The following GLCCI1 variants were observed in gnomAD, a reference collection of about 807,000 sequenced individuals.
GLCCI1 encodes the protein glucocorticoid induced 1.
A neutral mutation model predicts 52.2 loss-of-function variants in GLCCI1; 24 were observed. The ratio of observed to expected loss-of-function variants is 0.46; its 90% CI spans 0.33 to 0.65. The LOEUF is 0.65. GLCCI1 is among the 30% of genes least tolerant of loss of function. The pLI, the probability that GLCCI1 is intolerant of heterozygous loss-of-function variation, is 0.02. For missense variants in GLCCI1, 704 were observed against 701.5 expected (o/e 1.00, Z -0.04); for synonymous variants, 310 against 276.5 (o/e 1.12, Z -1.20).
At chr7:7,987,819 C>A (rs1479751528) in intron 1 of GLCCI1, among the ~76,000 whole-genome samples, 1 of 152,042 alleles carries the variant, frequency 6.6e-6, no homozygotes, top group African/African-American at 2.4e-5. Context: ...GCTGTTCTGG[C>A]CTCAAGTTAT....
At chr7:8,035,268 C>G (rs1188162120) in intron 3 of GLCCI1, among the ~76,000 whole-genome samples, 1 of 152,320 alleles carries the variant, frequency 6.6e-6, no homozygotes, top group African/African-American at 2.4e-5. Context: ...ACTGCTACTT[C>G]CAGTGCAGAT....
chr7:8,028,898 A>T (rs1040437534), intron 3 of GLCCI1, among the ~76,000 whole-genome samples: 5 of 152,164 alleles, frequency 3.3e-5, no homozygotes, highest in Admixed American at 2.0e-4. Flanking sequence ...CCAAGACAGA[A>T]TCATGAAGAA....
At chr7:8,040,062 A>C (rs1347213958) in intron 3 of GLCCI1, among the ~76,000 whole-genome samples, 1 of 151,874 alleles carries the variant, frequency 6.6e-6, no homozygotes, top group Non-Finnish European at 1.5e-5. Context: ...ACAGAACTGC[A>C]CTTTACCCCC....
chr7:8,006,493 T>C (rs1781152717), intron 2 of GLCCI1, among the ~76,000 whole-genome samples: 1 of 152,244 alleles, frequency 6.6e-6, no homozygotes, highest in African/African-American at 2.4e-5. Context: ...TGATTAAGTA[T>C]GATAATATTG....
intron 3 of GLCCI1, among the ~76,000 whole-genome samples, chr7:8,038,432 G>T (rs1244066582): frequency 6.6e-6 from 1 of 152,148 alleles, no homozygotes; most frequent in South Asian, 2.1e-4. Context: ...ACATAAATCA[G>T]TGGAACAAAA....
intron 2 of GLCCI1, among the ~76,000 whole-genome samples, chr7:8,008,261 A>G (rs38020): frequency 0.072 from 10,689 of 147,682 alleles, 503 homozygotes; most frequent in Non-Finnish European, 0.11. Context: ...TCTACTCTCT[A>G]TTTCTGTAAG....
At chr7:8,032,745 A>G (rs1311661628) in intron 3 of GLCCI1, among the ~76,000 whole-genome samples, 1 of 152,072 alleles carries the variant, frequency 6.6e-6, no homozygotes, top group Non-Finnish European at 1.5e-5. Context: ...TATAAAAAGT[A>G]AAGAAGCTGA....
intron 2 of GLCCI1, among the ~76,000 whole-genome samples, chr7:8,021,799 C>G (rs1313357911): frequency 1.3e-5 from 2 of 152,098 alleles, no homozygotes; most frequent in African/African-American, 4.8e-5. Context: ...AGGATAGTAT[C>G]TATTAATGGC....
intron 6 of GLCCI1, among the ~76,000 whole-genome samples, chr7:8,077,633 A>G (rs1193187678): frequency 1.4e-5 from 1 of 69,184 alleles, no homozygotes; most frequent in Non-Finnish European, 2.7e-5. Flanking sequence ...AAATGTGTTC[A>G]GGTGATTTTA....
chr7:8,023,588 C>CATTTTTTTTTT (rs1781543370), intron 3 of GLCCI1, among the ~76,000 whole-genome samples: 16 of 41,992 alleles, frequency 3.8e-4, no homozygotes, highest in African/African-American at 1.6e-3. Context: ...CTCTGTTATT[C>CATTTTTTTTTT]TTTTTTTTTT....
intron 3 of GLCCI1, among the ~76,000 whole-genome samples, chr7:8,046,042 C>T (rs947521546): frequency 6.0e-5 from 9 of 150,212 alleles, no homozygotes; most frequent in African/African-American, 2.2e-4. Context: ...TAAATAAGAA[C>T]AGGTGGAATG....
intron 3 of GLCCI1, among the ~76,000 whole-genome samples, chr7:8,030,848 C>A (rs1239832158): frequency 6.6e-6 from 1 of 152,010 alleles, no homozygotes; most frequent in Admixed American, 6.6e-5. Flanking sequence ...TCATCTCACC[C>A]CAGTTAAGAT....
chr7:8,028,612 C>A (rs1045803550), intron 3 of GLCCI1, among the ~76,000 whole-genome samples: 6 of 151,642 alleles, frequency 4.0e-5, no homozygotes, highest in Admixed American at 2.6e-4. Flanking sequence ...TAATAAAGAT[C>A]AGAGCTGAAA....
At chr7:8,042,621 A>G (rs1782026164) in intron 3 of GLCCI1, among the ~76,000 whole-genome samples, 1 of 152,234 alleles carries the variant, frequency 6.6e-6, no homozygotes, top group Non-Finnish European at 1.5e-5. Context: ...CAACATAGCA[A>G]GACCCTGTCT....
At chr7:7,979,540 T>C (rs1032878335) in intron 1 of GLCCI1, among the ~76,000 whole-genome samples, 5 of 152,208 alleles carry the variant, frequency 3.3e-5, no homozygotes, top group African/African-American at 1.2e-4. Context: ...TGGTTCATCC[T>C]ATGGTTTCTA....
In GLCCI1 at chr7:8,060,136, T is replaced by C. The variant is rs201556271; in HGVS notation, c.854T>C (p.Ile285Thr). The C allele has an allele frequency of 5.0e-6, 8 of 1,613,788 alleles. No homozygotes were observed. Among genetic ancestry groups the C allele is most frequent in the Non-Finnish European group, 5.9e-6 (7 of 1,179,778 alleles). The change falls in exon 5 of 8, where the codon ATA becomes ACA. Residue 285 changes from isoleucine to threonine, a missense_variant. Physicochemically the swap from Ile to Thr is moderately conservative, Grantham distance 89 (BLOSUM62 -1). Around this residue, in one of 3 missense-constraint regions of GLCCI1, gnomAD observed 547 missense variants for 524.8 expected, o/e 1.04. Coordinates refer to ENST00000223145, the MANE Select transcript of GLCCI1 (RefSeq NM_138426.4). ...SRSVPMPLSN[I>T]SVPKSSVSRV... ...TCAGTTCCTATGCCACTGTCAAATA[T>C]ATCAGTGCCAAAATCATCTGTTTCG...
chr7:7,979,284 A>G (rs889280999), intron 1 of GLCCI1, among the ~76,000 whole-genome samples: 9 of 152,198 alleles, frequency 5.9e-5, no homozygotes, highest in African/African-American at 2.2e-4. Context: ...TGTAAAAAAA[A>G]CGCATTCAGG....
intron 3 of GLCCI1, among the ~76,000 whole-genome samples, chr7:8,039,613 A>G (rs1781951247): frequency 6.6e-6 from 1 of 152,196 alleles, no homozygotes; most frequent in African/African-American, 2.4e-5. Context: ...GAGTAGAATA[A>G]TAGACATTGG....
intron 5 of GLCCI1, among the ~76,000 whole-genome samples, chr7:8,061,034 CATT>C (rs948169847): frequency 1.3e-5 from 2 of 151,408 alleles, no homozygotes; most frequent in Non-Finnish European, 2.9e-5. Flanking sequence ...AGTGATATAT[CATT>C]GTGGTGTTAA....
Sources: gnomAD v4.1 joint callset for allele counts (sites outside exome capture counted in the v4.1 genomes callset) on GRCh38, gnomAD v4.1.1 for gene constraint, gnomAD v4.1.1 regional missense constraint, MANE v1.5 for transcripts, NCBI Gene and HGNC (gene_info 2026-07-23, HGNC 2026-07-21) for gene names.